SDK1: variants seen among roughly 807,000 people sequenced by gnomAD.
SDK1 encodes protein sidekick-1.
A neutral mutation model predicts 245.5 loss-of-function variants in SDK1; 157 were observed. The ratio of observed to expected loss-of-function variants is 0.64; its 90% confidence interval spans 0.56 to 0.73. SDK1 has a LOEUF of 0.73. Ranked by LOEUF, SDK1 falls within the 30% of genes least tolerant of loss-of-function variation. The pLI is 0.00. For synonymous variants in SDK1, 1,647 were observed against 1,278.5 expected (o/e 1.29, Z -6.15); for missense variants, 3,583 against 3,002.3 (o/e 1.19, Z -4.52).
intron 32 of SDK1, among the ~76,000 whole-genome samples, chr7:4,173,684 G>A (rs1015583392): frequency 3.9e-5 from 6 of 152,226 alleles, no homozygotes; most frequent in African/African-American, 1.4e-4. Flanking sequence ...GGCCAGGCCA[G>A]CCATCATGCG....
rs1312185243 is a variant in SDK1, at chr7:4,139,551, A to G, written c.4229-6171A>G. 4.2e-4 allele frequency among the ~76,000 whole-genome samples: 16 copies of G among 38,390 alleles called. 2 individuals are homozygous for G. The highest frequency in any genetic ancestry group is 1.3e-3 in the African/African-American group (15 of 11,394). 25.2% of individuals were successfully genotyped at this position (38,390 alleles called of 152,430 possible). ...TGTGTGTGTGTATATATGTGTGTGT[A>G]TATGTATATATGTGTGTATATGTGT... On this transcript the variant is annotated intron_variant, in intron 28 of 44. Transcript: ENST00000404826.
chr7:4,090,655 C>G (rs888290974), intron 22 of SDK1, among the ~76,000 whole-genome samples: 3 of 152,296 alleles, frequency 2.0e-5, no homozygotes, highest in South Asian at 4.2e-4. Flanking sequence ...TGTTCTTTCT[C>G]TCTTCTTTCC....
rs923285964 is a variant in SDK1, at chr7:3,924,941, C to T, written c.848-25982C>T. ...CTAATAATGGCCACTGTCATTTTCC[C>T]CCAGCTGGAGGCCTGAGGACATCAG... On this transcript the variant is annotated intron_variant, in intron 5 of 44. Transcript: ENST00000404826. 2.6e-5 allele frequency among the ~76,000 whole-genome samples: 4 copies of T among 152,144 alleles called. No individual in the cohort carries two copies. The East Asian group carries it at 5.8e-4, about 22-fold the overall frequency.
chr7:4,077,086 A>C lies in SDK1; in HGVS notation c.3099A>C (p.Gln1033His). 6.2e-7 allele frequency: 1 copy of C among 1,614,168 alleles called. No homozygotes were observed. Among genetic ancestry groups the C allele is most frequent in the Non-Finnish European group, 8.5e-7 (1 of 1,180,032 alleles). ...GCACGACGCACGAGTACAAGATCCA[A>C]GGCCTCTCATCTCTCACCACCTACA... Reference protein sequence around the residue: ...LNSTTHEYKIQGLSSLTTYTI... With the variant: ...LNSTTHEYKIHGLSSLTTYTI... The change falls in exon 21 of 45, where the codon CAA (glutamine) becomes CAC (histidine). Residue 1033 changes from glutamine (Q) to histidine (H), a missense_variant. Physicochemically the swap from Gln to His is conservative, Grantham distance 24 (BLOSUM62 0). Transcript: ENST00000404826.
At chr7:3,613,552 T>G (rs1400480903) in intron 1 of SDK1, among the ~76,000 whole-genome samples, 2 of 152,152 alleles carry the variant, frequency 1.3e-5, no homozygotes, top group Non-Finnish European at 2.9e-5. Context: ...GGAGTGTAAA[T>G]TAGTTCAGCC....
At chr7:3,732,603 G>T (rs934119905) in intron 4 of SDK1, among the ~76,000 whole-genome samples, 1 of 152,078 alleles carries the variant, frequency 6.6e-6, no homozygotes, top group Non-Finnish European at 1.5e-5. Flanking sequence ...CATTGTCCTC[G>T]GGAAGCATTC....
At chr7:3,715,292 C>A (rs1173413779) in intron 4 of SDK1, among the ~76,000 whole-genome samples, 2 of 152,002 alleles carry the variant, frequency 1.3e-5, no homozygotes, top group Non-Finnish European at 2.9e-5. Flanking sequence ...ATGTATGTAT[C>A]CACTTACCAG....
At chr7:3,395,173 C>G (rs1562460948) in intron 1 of SDK1, among the ~76,000 whole-genome samples, 1 of 151,868 alleles carries the variant, frequency 6.6e-6, no homozygotes, top group Non-Finnish European at 1.5e-5. Context: ...GTTGCTGAGA[C>G]TTTTTATCTT....
At position 3,420,514 on chromosome 7, in the gene SDK1, G is replaced by C. The variant is rs138894235; in HGVS notation, c.298+118630G>C. On this transcript the variant is annotated intron_variant, in intron 1 of 44. Transcript: ENST00000404826. Reference sequence around the variant, plus strand: ...AACTCCTCCTGCCCATTTTTTAATTGTTTGCTTTATCATAGCTCTAAGTAG... The same window carrying C: ...AACTCCTCCTGCCCATTTTTTAATTCTTTGCTTTATCATAGCTCTAAGTAG... 7.6e-3 allele frequency among the ~76,000 whole-genome samples: 1,161 copies of C among 152,118 alleles called. 14 individuals carry two copies. The highest frequency in any genetic ancestry group is 0.027 in the African/African-American group (1,129 of 41,498).
chr7:3,473,431 G>T (rs78451702), intron 1 of SDK1, among the ~76,000 whole-genome samples: 8,798 of 152,280 alleles, frequency 0.058, 281 homozygotes, highest in Middle Eastern at 0.078. Context: ...CCTTGTAGAT[G>T]TGTGTTTAGT....
At chr7:3,535,269 AAAATAATAAATAAAG>A (rs1379040184) in intron 1 of SDK1, among the ~76,000 whole-genome samples, 1 of 152,202 alleles carries the variant, frequency 6.6e-6, no homozygotes, top group Non-Finnish European at 1.5e-5. Context: ...TGTCTCCAAA[AAAATAATAAATAAAG>A]AAAAAGAAAA....
In SDK1 at chr7:4,266,504, G is replaced by T; in HGVS notation, c.*1120G>T. ...AGCAGCCACCGCTTCTCCACCACTG[G>T]CGCTGCTGCTGCCCCCTCTCCCAGT... On this transcript the variant is annotated 3_prime_UTR_variant, in exon 45 of 45. Transcript: ENST00000404826. The T allele has an allele frequency of 1.0e-6, 1 of 985,348 alleles. No individual in the cohort carries two copies. Among genetic ancestry groups the T allele is most frequent in the Middle Eastern group, 5.2e-4 (1 of 1,914 alleles). The allele number at this position is 985,348 out of a possible 1,614,324, so 61.0% of individuals were successfully genotyped here.
intron 5 of SDK1, among the ~76,000 whole-genome samples, chr7:3,833,409 G>A (rs1428658522): frequency 1.3e-5 from 2 of 152,194 alleles, no homozygotes; most frequent in Non-Finnish European, 2.9e-5. Flanking sequence ...TTCAGACAGG[G>A]TTGAATTTCA....
intron 4 of SDK1, among the ~76,000 whole-genome samples, chr7:3,687,072 C>T (rs1246022409): frequency 6.7e-6 from 1 of 150,070 alleles, no homozygotes; most frequent in Admixed American, 6.7e-5. Flanking sequence ...CACACACACA[C>T]ACACACACAC....
At chr7:3,806,315 CACATTA>C (rs1779243616) in intron 4 of SDK1, among the ~76,000 whole-genome samples, 2 of 117,524 alleles carry the variant, frequency 1.7e-5, no homozygotes, top group Non-Finnish European at 3.2e-5. Flanking sequence ...TGTGGATGTC[CACATTA>C]GGATGTGGAT....
intron 4 of SDK1, among the ~76,000 whole-genome samples, chr7:3,739,520 T>A (rs1265013512): frequency 1.3e-5 from 2 of 152,184 alleles, no homozygotes; most frequent in East Asian, 3.8e-4. Flanking sequence ...TATTAGCCTG[T>A]CTTCAAGTTC....
chr7:3,311,077 A>G (rs1461634155), intron 1 of SDK1, among the ~76,000 whole-genome samples: 1 of 152,130 alleles, frequency 6.6e-6, no homozygotes, highest in Non-Finnish European at 1.5e-5. Context: ...GGGAGTGATG[A>G]GTCACGGTAG....
rs778475307 is a variant in SDK1 at position 3,969,288 on chromosome 7, G to T, written c.1578G>T (p.Arg526=). Reference sequence around the variant, plus strand: ...ACATTCTGGCCAGTGGCTCTGTCCGGATTCCTAGGTTCATGCTTCTTGAAT... The same window carrying T: ...ACATTCTGGCCAGTGGCTCTGTCCGTATTCCTAGGTTCATGCTTCTTGAAT... ...ENHILASGSV[R]IPRFMLLESG... is the part of the protein sequence containing the mutation. Residue 526 remains arginine (R), a synonymous_variant, in exon 11 of 45, where the codon CGG becomes CGT. Transcript: ENST00000404826. 6.2e-7 allele frequency: 1 copy of T among 1,609,094 alleles called. No homozygotes were observed. Among genetic ancestry groups the T allele is most frequent in the East Asian group, 2.2e-5 (1 of 44,696 alleles).
chr7:3,974,236 A>T, intron 12 of SDK1, 133 bp from the exon 13 acceptor site: 1 of 656,886 alleles, frequency 1.5e-6, no homozygotes, highest in Non-Finnish European at 2.5e-6. Context: ...TCACTCTTTT[A>T]AAGAGCACAG....
Sources: gnomAD v4.1 joint callset for allele counts (sites outside exome capture counted in the v4.1 genomes callset) on GRCh38, gnomAD v4.1.1 for gene constraint, MANE v1.5 for transcripts, NCBI Gene and HGNC (gene_info 2026-07-23, HGNC 2026-07-21) for gene names.